Variants in AGK observed in about 807,000 individuals in gnomAD.
AGK encodes acylglycerol kinase, mitochondrial.
AGK carries 52 observed loss-of-function variants against 66.4 expected under a neutral mutation model. That is an observed-to-expected ratio of 0.78 (90% CI 0.63 to 0.99). The LOEUF is 0.99. Ranked by LOEUF, AGK falls within the 50% of genes least tolerant of loss-of-function variation. The pLI is 0.00. For missense variants in AGK, 451 were observed against 506.6 expected (o/e 0.89, Z 1.05); for synonymous variants, 182 against 181.1 (o/e 1.00, Z -0.04).
At chr7:141,644,497 C>G (rs1797362852) in intron 13 of AGK, among the ~76,000 whole-genome samples, 1 of 152,134 alleles carries the variant, frequency 6.6e-6, no homozygotes, top group African/African-American at 2.4e-5. Flanking sequence ...TTAAAAGCAG[C>G]ACATTCAGTG....
chr7:141,644,313 C>A (rs1435011839), intron 13 of AGK, among the ~76,000 whole-genome samples: 1 of 152,122 alleles, frequency 6.6e-6, no homozygotes, highest in Non-Finnish European at 1.5e-5. Context: ...ACTCACAATG[C>A]CAAGTGCTTT....
rs187904729 is a variant in AGK, at chr7:141,588,114, T to G, written c.102-5032T>G. Among the ~76,000 whole-genome samples, 415 of 152,328 alleles carry G rather than the reference T, an allele frequency of 2.7e-3. 1 individual carries two copies. The highest frequency in any genetic ancestry group is 4.6e-3 in the Non-Finnish European group (312 of 68,022). ...GTGAATATAAATTGAAAAATTTAAA[T>G]TAGATGAGACTATGCAATTTAAAAA... On this transcript the variant is annotated intron_variant, in intron 2 of 15. Coordinates refer to ENST00000649286, the MANE Select transcript of AGK (RefSeq NM_018238.4).
intron 8 of AGK, among the ~76,000 whole-genome samples, chr7:141,621,088 G>A (rs1199170144): frequency 1.3e-5 from 2 of 152,116 alleles, no homozygotes; most frequent in South Asian, 2.1e-4. Context: ...CCTAATCATC[G>A]AACCTAATCA....
At position 141,641,401 on chromosome 7, in the gene AGK, G is replaced by A. The variant is rs756179041; in HGVS notation, c.877+3G>A. 4 of 1,606,910 alleles carry A rather than the reference G, an allele frequency of 2.5e-6. No homozygotes were observed. The South Asian group carries it at 3.3e-5, about 13-fold the overall frequency. ...CTACTGGGCACAACCACAGGATGGT[G>A]AGCAATGTGGCGACTAAAGATTGGA... On this transcript the variant is annotated splice_donor_region_variant and intron_variant, in intron 12 of 15. Transcript: ENST00000649286.
intron 4 of AGK, chr7:141,597,125 G>A (rs760191554): frequency 1.3e-5 from 2 of 154,134 alleles, no homozygotes; most frequent in Non-Finnish European, 2.9e-5. Flanking sequence ...ACAGGGGCCT[G>A]GAGACAGGAG....
intron 2 of AGK, among the ~76,000 whole-genome samples, chr7:141,562,331 G>A (rs562084923): frequency 3.1e-4 from 47 of 152,338 alleles, no homozygotes; most frequent in Admixed American, 2.4e-3. Context: ...CACCAGCTGC[G>A]GTAGTAATAG....
chr7:141,625,297 GCTCT>G (rs1214679570), intron 9 of AGK, among the ~76,000 whole-genome samples: 3 of 152,042 alleles, frequency 2.0e-5, no homozygotes, highest in Non-Finnish European at 2.9e-5. Flanking sequence ...TATAAGAATT[GCTCT>G]CTATCTCCTC....
intron 5 of AGK, among the ~76,000 whole-genome samples, chr7:141,602,549 C>T (rs1319786376): frequency 3.3e-5 from 5 of 152,024 alleles, no homozygotes; most frequent in South Asian, 2.1e-4. Context: ...TTTTCATTCT[C>T]AATATTGTTT....
At chr7:141,646,372 CAATT>C (rs199695458) in intron 13 of AGK, among the ~76,000 whole-genome samples, 1,880 of 152,174 alleles carry the variant, frequency 0.012, 39 homozygotes, top group African/African-American at 0.044. Context: ...GTGTTCAAAC[CAATT>C]AGAGTAGAAA....
chr7:141,573,558 T>C (rs1395478303), intron 2 of AGK, among the ~76,000 whole-genome samples: 1 of 152,218 alleles, frequency 6.6e-6, no homozygotes, highest in Non-Finnish European at 1.5e-5. Context: ...CTAGACCCTC[T>C]GTAGGTAGTA....
chr7:141,553,962 A>G (rs1587051155), intron 1 of AGK, among the ~76,000 whole-genome samples: 1 of 152,252 alleles, frequency 6.6e-6, no homozygotes, highest in East Asian at 1.9e-4. Flanking sequence ...AAATAAGTTC[A>G]TTTTCAAAAA....
intron 3 of AGK, 122 bp downstream of exon 3, chr7:141,593,307 C>A: frequency 1.1e-6 from 1 of 896,054 alleles, no homozygotes; most frequent in Non-Finnish European, 1.8e-6. Context: ...TTTTTTAGCA[C>A]TATCAGGATG....
chr7:141,626,619 TTAAC>T (rs1423421792), intron 9 of AGK, among the ~76,000 whole-genome samples: 2 of 152,200 alleles, frequency 1.3e-5, no homozygotes, highest in Non-Finnish European at 2.9e-5. Context: ...GCACAAAGTG[TTAAC>T]TAACTGAATA....
At chr7:141,615,684 G>A (rs780535364) in intron 8 of AGK, 119 bp downstream of exon 8, 10 of 806,448 alleles carry the variant, frequency 1.2e-5, no homozygotes, top group Non-Finnish European at 2.1e-5. Context: ...ATAATTAAGA[G>A]GAGGACCTAG....
chr7:141,569,328 G>A (rs1338963872), intron 2 of AGK, among the ~76,000 whole-genome samples: 3 of 152,136 alleles, frequency 2.0e-5, no homozygotes. Context: ...GAGGTCAGGA[G>A]ATCAAGACCA....
intron 14 of AGK, among the ~76,000 whole-genome samples, chr7:141,649,721 T>C (rs1184614309): frequency 6.6e-6 from 1 of 152,246 alleles, no homozygotes; most frequent in Non-Finnish European, 1.5e-5. Flanking sequence ...AATGAAATAA[T>C]CATCTCTGCC....
Position 141,555,870 on chromosome 7 carries a change from A to G in AGK, c.101+303A>G, listed in dbSNP as rs1426964553. On this transcript the variant is annotated intron_variant, in intron 2 of 15. Coordinates refer to ENST00000649286, the MANE Select transcript of AGK (RefSeq NM_018238.4). The surrounding 1 kb of genome is among the most constrained non-coding windows in gnomAD (Gnocchi z 4.2). ...AGAAAGAGAAGTCCTTTCCCAAGTT[A>G]GTAGTGTGAACCCCCAAAATCTGAG... 6.6e-6 allele frequency among the ~76,000 whole-genome samples: 1 copy of G among 152,206 alleles called. No homozygotes were observed.
chr7:141,641,988 G>A lies in AGK; in HGVS notation c.975+80G>A. ...GCTATAGTCCTCTCCCACTAATTCAGTTATTTTTATTTTTACCCTGTGGAG... is the reference window on the plus strand; with the variant it reads ...GCTATAGTCCTCTCCCACTAATTCAATTATTTTTATTTTTACCCTGTGGAG... On this transcript the variant is annotated intron_variant, in intron 13 of 15. Coordinates refer to ENST00000649286, the MANE Select transcript of AGK (RefSeq NM_018238.4). 7 of 1,228,278 alleles carry A rather than the reference G, an allele frequency of 5.7e-6. 1 individual carries two copies. In the South Asian group the frequency reaches 9.1e-5, roughly 16 times the overall value. The allele number at this position is 1,228,278 out of a possible 1,614,324, so 76.1% of individuals were successfully genotyped here.
At chr7:141,587,394 C>A (rs1796015879) in intron 2 of AGK, among the ~76,000 whole-genome samples, 1 of 152,166 alleles carries the variant, frequency 6.6e-6, no homozygotes, top group Non-Finnish European at 1.5e-5. Context: ...AAAATGTAAA[C>A]CTGGTCACAT....
Sources: gnomAD v4.1 joint callset for allele counts (sites outside exome capture counted in the v4.1 genomes callset) on GRCh38, gnomAD v4.1.1 for gene constraint, Gnocchi (gnomAD v3.1) non-coding constraint, MANE v1.5 for transcripts, NCBI Gene and HGNC (gene_info 2026-07-23, HGNC 2026-07-21) for gene names.